Variants in CDKAL1 observed in about 807,000 individuals in gnomAD.
The protein encoded by CDKAL1 is threonylcarbamoyladenosine tRNA methylthiotransferase.
In CDKAL1, 32 loss-of-function variants were observed where a neutral mutation model predicts 68.2. The observed-to-expected ratio is 0.47, with a 90% CI of 0.35 to 0.63. The LOEUF is 0.63. CDKAL1 is among the 30% of genes least tolerant of loss of function. The probability of loss-of-function intolerance (pLI) is 0.00; values close to 1 mark genes in which losing one functional copy is unlikely to be tolerated. For missense variants in CDKAL1, 606 were observed against 696.7 expected (o/e 0.87, Z 1.47); for synonymous variants, 234 against 244.3 (o/e 0.96, Z 0.39).
At chr6:20,876,459 G>A (rs999641062) in intron 9 of CDKAL1, among the ~76,000 whole-genome samples, 1 of 152,184 alleles carries the variant, frequency 6.6e-6, no homozygotes, top group Admixed American at 6.5e-5. Context: ...TTTGGCAATT[G>A]TCTCTTATGT....
intron 9 of CDKAL1, among the ~76,000 whole-genome samples, chr6:20,876,375 A>T (rs545809237): frequency 2.2e-4 from 33 of 152,194 alleles, no homozygotes; most frequent in Non-Finnish European, 3.8e-4. Flanking sequence ...TGCTGCTAAC[A>T]TGACAGGACA....
At chr6:21,066,207 A>C (rs1297107685) in intron 12 of CDKAL1, among the ~76,000 whole-genome samples, 1 of 152,120 alleles carries the variant, frequency 6.6e-6, no homozygotes, top group African/African-American at 2.4e-5. Flanking sequence ...GTTTTTTCCA[A>C]AATCAAAAGT....
intron 11 of CDKAL1, among the ~76,000 whole-genome samples, chr6:21,047,834 G>A (rs1301649268): frequency 6.6e-6 from 1 of 152,222 alleles, no homozygotes; most frequent in Admixed American, 6.5e-5. Context: ...GGGAATATCA[G>A]TAGTATGGAT....
intron 8 of CDKAL1, among the ~76,000 whole-genome samples, chr6:20,813,603 T>G (rs1470092063): frequency 6.6e-6 from 1 of 152,216 alleles, no homozygotes; most frequent in African/African-American, 2.4e-5. Context: ...GTCTGTTATT[T>G]GGTTTCAGTT....
At chr6:21,088,623 T>C (rs1030851763) in intron 12 of CDKAL1, among the ~76,000 whole-genome samples, 9 of 152,318 alleles carry the variant, frequency 5.9e-5, no homozygotes, top group African/African-American at 1.9e-4. Flanking sequence ...TTGGAATTGA[T>C]AGTATTTTTC....
chr6:20,781,075 T>C lies in CDKAL1; in HGVS notation c.518-70T>C, dbSNP rs1484024117. 8 of 1,467,420 alleles carry C rather than the reference T, an allele frequency of 5.5e-6. No individual in the cohort carries two copies. In the African/African-American group the frequency reaches 1.1e-4, roughly 21 times the overall value. 90.9% of individuals were successfully genotyped at this position (1,467,420 alleles called of 1,614,324 possible). The stretch of plus-strand genomic sequence containing the variant: ...CGAAAAGAAGTTAAATGAACACATT[T>C]GTTGAAAGCGTTAAGTTACAGTGAA... On this transcript the variant is annotated intron_variant, in intron 7 of 15. Transcript: ENST00000274695.
chr6:20,844,281 A>G (rs867849405), intron 8 of CDKAL1, among the ~76,000 whole-genome samples: 10 of 152,310 alleles, frequency 6.6e-5, no homozygotes, highest in Middle Eastern at 3.4e-3. Context: ...ATTTGAATAT[A>G]TATGCTATAT....
In CDKAL1 at chr6:20,580,790, CTT is replaced by C. The variant is rs922586472; in HGVS notation, c.286+32087_286+32088del. Among the ~76,000 whole-genome samples the C allele has an allele frequency of 3.2e-4, 48 of 151,338 alleles. 1 individual carries two copies. Among genetic ancestry groups the C allele is most frequent in the African/African-American group, 1.1e-3 (44 of 41,178 alleles). On this transcript the variant is annotated intron_variant, in intron 4 of 15. Transcript: ENST00000274695. ...CATGGTTAGGTTGGTTTCATTGGCA[CTT>C]TACTTTTTTTTTTTTAGATGGAGTT... is the stretch of plus-strand genomic sequence containing the variant.
chr6:20,982,210 C>A (rs1346614492), intron 10 of CDKAL1, among the ~76,000 whole-genome samples: 1 of 151,884 alleles, frequency 6.6e-6, no homozygotes, highest in African/African-American at 2.4e-5. Flanking sequence ...AGGGGTGCAC[C>A]ACCACTCCTG....
chr6:20,568,557 C>T (rs1764557743), intron 4 of CDKAL1, among the ~76,000 whole-genome samples: 1 of 151,620 alleles, frequency 6.6e-6, no homozygotes, highest in Non-Finnish European at 1.5e-5. Context: ...CACGGTAAAA[C>T]CCCGTCTCTA....
chr6:21,003,367 T>TACAC (rs1483081425), intron 11 of CDKAL1, among the ~76,000 whole-genome samples: 2 of 65,678 alleles, frequency 3.0e-5, no homozygotes, highest in African/African-American at 1.7e-4. Flanking sequence ...TATATATATA[T>TACAC]ATATACACAC....
intron 9 of CDKAL1, among the ~76,000 whole-genome samples, chr6:20,913,509 G>T (rs1762571132): frequency 6.6e-6 from 1 of 152,032 alleles, no homozygotes; most frequent in African/African-American, 2.4e-5. Flanking sequence ...TGCATCCAAG[G>T]TCCTGCCCCA....
intron 13 of CDKAL1, among the ~76,000 whole-genome samples, chr6:21,155,505 G>A (rs149192122): frequency 6.1e-4 from 93 of 152,314 alleles, no homozygotes; most frequent in Non-Finnish European, 1.1e-3. Context: ...GTCTCACCCA[G>A]GACATCACCT....
In CDKAL1 at chr6:20,617,040, G is replaced by GAAA. The variant is rs35481531; in HGVS notation, c.287-32251_287-32250insAAA. ...GGGTGAGTGAAACCTTTCTGTCTCA[G>GAAA]AAGAAAAAAAAAAAAGCCTTTTTGT... On this transcript the variant is annotated intron_variant, in intron 4 of 15. Coordinates refer to ENST00000274695, the MANE Select transcript of CDKAL1 (RefSeq NM_017774.3). 1.3e-3 allele frequency among the ~76,000 whole-genome samples: 185 copies of GAAA among 137,210 alleles called. 6 individuals carry two copies. The highest frequency in any genetic ancestry group is 1.9e-3 in the Non-Finnish European group (124 of 65,050). The allele number at this position is 137,210 out of a possible 152,430, so 90.0% of individuals were successfully genotyped here. A position where few individuals can be genotyped will look rare whatever the true frequency, so the allele number is the denominator to read the frequency against.
At position 21,230,767 on chromosome 6, in the gene CDKAL1, G is replaced by C. The variant is rs1257350567; in HGVS notation, c.1549-81G>C. 4.4e-6 allele frequency: 5 copies of C among 1,137,770 alleles called. No homozygotes were observed. In the Admixed American group the frequency reaches 1.4e-4, roughly 32 times the overall value. 70.5% of individuals were successfully genotyped at this position (1,137,770 alleles called of 1,614,324 possible). A position where few individuals can be genotyped will look rare whatever the true frequency, so the allele number is the denominator to read the frequency against. On this transcript the variant is annotated intron_variant, in intron 15 of 15. Coordinates refer to ENST00000274695, the MANE Select transcript of CDKAL1 (RefSeq NM_017774.3). ...AGTACATAAAAGGCGGCACCTTCTGGAACCCATTGCTTGATTGATATCACA... is the reference window on the plus strand; with the variant it reads ...AGTACATAAAAGGCGGCACCTTCTGCAACCCATTGCTTGATTGATATCACA...
At chr6:20,686,544 A>G (rs970142779) in intron 5 of CDKAL1, among the ~76,000 whole-genome samples, 6 of 152,194 alleles carry the variant, frequency 3.9e-5, no homozygotes, top group African/African-American at 1.4e-4. Flanking sequence ...CTGATTTTAT[A>G]TTATGGTGAG....
chr6:20,586,589 G>A (rs1207374878), intron 4 of CDKAL1, among the ~76,000 whole-genome samples: 1 of 152,138 alleles, frequency 6.6e-6, no homozygotes, highest in African/African-American at 2.4e-5. Context: ...AGTGAGCCGA[G>A]ATCACGCCAC....
intron 8 of CDKAL1, among the ~76,000 whole-genome samples, chr6:20,844,708 AAAC>A (rs869202496): frequency 3.0e-3 from 87 of 29,370 alleles, no homozygotes; most frequent in Admixed American, 7.9e-3. Context: ...AGAAACAGAA[AAAC>A]AAAAACAAAA....
chr6:21,111,131 A>G (rs1227353949), intron 13 of CDKAL1, among the ~76,000 whole-genome samples: 4 of 152,214 alleles, frequency 2.6e-5, no homozygotes, highest in Non-Finnish European at 5.9e-5. Flanking sequence ...GTTTCATAAT[A>G]GAAAGATACA....
Sources: allele counts gnomAD v4.1 joint callset (sites outside exome capture counted in the v4.1 genomes callset), GRCh38; gene constraint gnomAD v4.1.1; transcripts MANE v1.5; gene names NCBI Gene and HGNC (gene_info 2026-07-23, HGNC 2026-07-21).